The following MELK variants were observed in gnomAD, a reference collection of about 807,000 sequenced individuals.
MELK encodes the protein pEg3 kinase.
Under a neutral mutation model 85.0 loss-of-function variants are expected in MELK, and 81 were observed. The observed-to-expected ratio is 0.95, with a 90% CI of 0.80 to 1.15. MELK has a LOEUF of 1.15. Ranked by LOEUF, MELK falls within the 50% of genes most tolerant of loss-of-function variation. The pLI, the probability that MELK is intolerant of heterozygous loss-of-function variation, is 0.00. For missense variants in MELK, 754 were observed against 777.5 expected (o/e 0.97, Z 0.36); for synonymous variants, 252 against 265.0 (o/e 0.95, Z 0.48).
intron 7 of MELK, 43 bp downstream of exon 7, chr9:36,599,529 T>TATATA (rs767528368): frequency 6.8e-7 from 1 of 1,467,888 alleles, no homozygotes; most frequent in African/African-American, 1.4e-5. Context: ...CAGCAGACAT[T>TATATA]TATATTGGTC....
In MELK at chr9:36,660,883, C is replaced by T. The variant is rs376011529; in HGVS notation, c.1176+3520C>T. Among the ~76,000 whole-genome samples the T allele has an allele frequency of 1.3e-3, 204 of 152,106 alleles. 1 individual carries two copies. The highest frequency in any genetic ancestry group is 2.4e-3 in the Non-Finnish European group (166 of 67,992). ...GCACATGCCTGTAATCCCAGCTACT[C>T]GGAAGGCTGAGGCAGGAGAATTGCT... On this transcript the variant is annotated intron_variant, in intron 13 of 17. Coordinates refer to ENST00000298048, the MANE Select transcript of MELK (RefSeq NM_014791.4).
chr9:36,676,671 A>G (rs1329592604), intron 17 of MELK, among the ~76,000 whole-genome samples: 1 of 152,234 alleles, frequency 6.6e-6, no homozygotes, highest in African/African-American at 2.4e-5. Flanking sequence ...CTAATTAGAA[A>G]AACCTCAAAA....
At chr9:36,574,482 A>G (rs1056656948) in intron 1 of MELK, among the ~76,000 whole-genome samples, 5 of 151,756 alleles carry the variant, frequency 3.3e-5, no homozygotes, top group Non-Finnish European at 7.4e-5. Context: ...GCATGCCTGT[A>G]ATCCCAGCAA....
At chr9:36,653,984 A>G (rs1437375082) in intron 12 of MELK, among the ~76,000 whole-genome samples, 1 of 150,018 alleles carries the variant, frequency 6.7e-6, no homozygotes, top group Non-Finnish European at 1.5e-5. Context: ...TGGTCAGTGC[A>G]CTGGCTGTTG....
intron 7 of MELK, among the ~76,000 whole-genome samples, chr9:36,603,858 C>G (rs1825173010): frequency 6.6e-6 from 1 of 152,070 alleles, no homozygotes; most frequent in Admixed American, 6.6e-5. Context: ...TTTCTGCTTT[C>G]TTTTTTCTAA....
intron 6 of MELK, among the ~76,000 whole-genome samples, chr9:36,598,546 G>A (rs547542868): frequency 2.8e-4 from 43 of 152,240 alleles, no homozygotes; most frequent in African/African-American, 1.0e-3. Context: ...GGCAGAGGAG[G>A]ATGAGCAGAT....
chr9:36,632,846 C>T (rs752176898), intron 9 of MELK, among the ~76,000 whole-genome samples: 15 of 152,300 alleles, frequency 9.8e-5, no homozygotes, highest in African/African-American at 2.2e-4. Context: ...TTGAACTTCA[C>T]GAATAATGTC....
At chr9:36,606,467 GTATA>G (rs200382959) in intron 7 of MELK, among the ~76,000 whole-genome samples, 1 of 97,094 alleles carries the variant, frequency 1.0e-5, no homozygotes, top group East Asian at 2.5e-4. Flanking sequence ...GTATAGGTGT[GTATA>G]TATATACATA....
chr9:36,598,363 G>A (rs562819873), intron 6 of MELK, among the ~76,000 whole-genome samples: 1 of 152,240 alleles, frequency 6.6e-6, no homozygotes, highest in East Asian at 1.9e-4. Context: ...GGAAAGTGGG[G>A]TTGCCTGGGA....
chr9:36,674,914 G>C lies in MELK; in HGVS notation c.1755G>C (p.Lys585Asn), dbSNP rs1001633150. 2.5e-6 allele frequency: 4 copies of C among 1,594,668 alleles called. No homozygotes were observed. The Admixed American group carries it at 6.7e-5, about 27-fold the overall frequency. The change falls in exon 17 of 18, where the codon AAG becomes AAC. Residue 585 changes from lysine (K) to asparagine (N), a missense_variant. By Grantham distance (94) the Lys-to-Asn change is moderately conservative (BLOSUM62 0). Coordinates refer to ENST00000298048, the MANE Select transcript of MELK (RefSeq NM_014791.4). The part of the protein sequence containing the change: ...LNEIMSILPK[K>N]HVDFVQKGYT... ...AAATAATGTCTATTCTTCCAAAGAA[G>C]CATGTTGACTTTGTACAAAAGGGGT...
At chr9:36,590,080 C>A (rs1823384498) in intron 4 of MELK, among the ~76,000 whole-genome samples, 1 of 151,962 alleles carries the variant, frequency 6.6e-6, no homozygotes, top group Non-Finnish European at 1.5e-5. Flanking sequence ...CACCACCATG[C>A]CCGGCTAATT....
At position 36,589,596 on chromosome 9, in the gene MELK, A is replaced by T. The variant is rs762576629; in HGVS notation, c.205A>T (p.Ile69Leu). ...EALKNLRHQH[I>L]CQLYHVLETA... ...CTTGAAGAACCTGAGACATCAGCATATATGTCAACTCTACCATGTGCTAGA... is the reference window on the plus strand; with the variant it reads ...CTTGAAGAACCTGAGACATCAGCATTTATGTCAACTCTACCATGTGCTAGA... The change falls in exon 4 of 18, where the codon ATA becomes TTA. Residue 69 changes from isoleucine to leucine, a missense_variant. Physicochemically the swap from Ile to Leu is conservative, Grantham distance 5 (BLOSUM62 2). Coordinates refer to ENST00000298048, the MANE Select transcript of MELK (RefSeq NM_014791.4). 6.2e-7 allele frequency: 1 copy of T among 1,614,152 alleles called. No homozygotes were observed. The highest frequency in any genetic ancestry group is 2.2e-5 in the East Asian group (1 of 44,882).
intron 13 of MELK, among the ~76,000 whole-genome samples, chr9:36,665,131 G>A (rs1366443622): frequency 1.3e-5 from 2 of 152,130 alleles, no homozygotes; most frequent in Non-Finnish European, 2.9e-5. Flanking sequence ...CACTCAGCCT[G>A]TATCATGTTG....
intron 14 of MELK, among the ~76,000 whole-genome samples, chr9:36,667,893 G>C (rs1832536641): frequency 6.6e-6 from 1 of 151,948 alleles, no homozygotes; most frequent in Non-Finnish European, 1.5e-5. Context: ...TCAGCCTCCT[G>C]AGTAGCTGGG....
intron 8 of MELK, among the ~76,000 whole-genome samples, chr9:36,619,728 TG>T (rs1324001992): frequency 1.3e-5 from 2 of 152,156 alleles, no homozygotes; most frequent in African/African-American, 4.8e-5. Context: ...TGTCCAGAAA[TG>T]GAGTTCTGTG....
chr9:36,614,574 G>A (rs1355817570), intron 8 of MELK, among the ~76,000 whole-genome samples: 1 of 122,350 alleles, frequency 8.2e-6, no homozygotes, highest in African/African-American at 3.3e-5. Context: ...CCTAGGCAGA[G>A]GACCCTGCGG....
intron 5 of MELK, 143 bp downstream of exon 5, chr9:36,594,914 T>C (rs1587364706): frequency 2.0e-6 from 2 of 985,690 alleles, no homozygotes; most frequent in East Asian, 2.9e-5. Flanking sequence ...AGATTTCTTT[T>C]TTCCTCTTAC....
At chr9:36,580,831 C>T (rs201830008) in intron 1 of MELK, among the ~76,000 whole-genome samples, 1 of 149,826 alleles carries the variant, frequency 6.7e-6, no homozygotes, top group Non-Finnish European at 1.5e-5. Flanking sequence ...CGGGTTCAAG[C>T]GATTCTCCTG....
At chr9:36,669,248 A>G (rs1003938439) in intron 14 of MELK, 62 bp from the exon 15 acceptor site, 3 of 1,060,884 alleles carry the variant, frequency 2.8e-6, no homozygotes, top group Non-Finnish European at 4.1e-6. Flanking sequence ...ATTATTAATA[A>G]TAGAAATTTC....
Sources: allele counts gnomAD v4.1 joint callset (sites outside exome capture counted in the v4.1 genomes callset), GRCh38; gene constraint gnomAD v4.1.1; transcripts MANE v1.5; gene names NCBI Gene and HGNC (gene_info 2026-07-23, HGNC 2026-07-21).